BRCA1: variants seen among roughly 807,000 people sequenced by gnomAD.
The protein encoded by BRCA1 is breast cancer type 1 susceptibility protein.
A neutral mutation model predicts 173.7 loss-of-function variants in BRCA1; 140 were observed. That is an observed-to-expected ratio of 0.81 (90% CI 0.70 to 0.93). BRCA1 has a LOEUF of 0.93. Ranked by LOEUF, BRCA1 falls within the 40% of genes least tolerant of loss-of-function variation. The pLI is 0.00. For missense variants in BRCA1, 1,983 were observed against 2,172.5 expected, an observed-to-expected ratio of 0.91 and a Z score of 1.73; for synonymous variants, 662 against 756.0, an observed-to-expected ratio of 0.88 and a Z score of 2.04.
Position 43,106,553 on chromosome 17 carries a change from A to G in BRCA1, c.135-20T>C. On this transcript the variant is annotated intron_variant, in intron 3 of 22. Coordinates refer to ENST00000357654, the MANE Select transcript of BRCA1 (RefSeq NM_007294.4). ...CAAAATCTATAAATTATAAAGAAAG[A>G]AAGAACAATTTAATTTACTTCCTTT... 2.0e-6 allele frequency: 3 copies of G among 1,531,316 alleles called. No homozygotes were observed. The highest frequency in any genetic ancestry group is 2.7e-6 in the Non-Finnish European group (3 of 1,108,110). The allele number at this position is 1,531,316 out of a possible 1,614,324, so 94.9% of individuals were successfully genotyped here.
intron 12 of BRCA1, among the ~76,000 whole-genome samples, chr17:43,077,048 A>C (rs2052765992): frequency 6.6e-6 from 1 of 152,196 alleles, no homozygotes; most frequent in African/African-American, 2.4e-5. Flanking sequence ...TACTGCCTCC[A>C]CATTGAAGAC....
At chr17:43,141,977 T>C (rs1397759002) in intron 1 of BRCA1, among the ~76,000 whole-genome samples, 1 of 151,900 alleles carries the variant, frequency 6.6e-6, no homozygotes, top group Non-Finnish European at 1.5e-5. Context: ...AGTGGCCCAG[T>C]CTCGGCTCAC....
At chr17:43,106,076 G>A (rs981537930) in intron 4 of BRCA1, among the ~76,000 whole-genome samples, 32 of 148,684 alleles carry the variant, frequency 2.2e-4, no homozygotes, top group Middle Eastern at 3.2e-3. Flanking sequence ...CCGAGATCAC[G>A]CCACTGCACT....
intron 1 of BRCA1, chr17:43,138,827 C>G (rs543077107): frequency 2.6e-6 from 2 of 778,784 alleles, no homozygotes; most frequent in Admixed American, 3.4e-5. Flanking sequence ...CATACTCCCC[C>G]ACCAGTCACC....
intron 6 of BRCA1, among the ~76,000 whole-genome samples, chr17:43,101,074 G>A (rs1476300169): frequency 6.6e-6 from 1 of 151,464 alleles, no homozygotes. Context: ...TAAAACCCCA[G>A]CACTCCTAAG....
rs75754723 is a variant in BRCA1 at position 43,083,089 on chromosome 17, A to G, written c.4186-514T>C. On this transcript the variant is annotated intron_variant, in intron 11 of 22. Coordinates refer to ENST00000357654, the MANE Select transcript of BRCA1 (RefSeq NM_007294.4). ...AAAATACAACAAATATAAAAATACTATCAGTAATCCTGCCTAGATTACTGG... is the reference window on the plus strand; with the variant it reads ...AAAATACAACAAATATAAAAATACTGTCAGTAATCCTGCCTAGATTACTGG... Among the ~76,000 whole-genome samples the G allele has an allele frequency of 7.8e-4, 119 of 152,268 alleles. 3 individuals carry two copies. In the East Asian group the frequency reaches 0.022, roughly 28 times the overall value.
At position 43,094,215 on chromosome 17, in the gene BRCA1, G is replaced by C. The variant is rs777132211; in HGVS notation, c.1316C>G (p.Ala439Gly). Residue 439 changes from alanine (A) to glycine (G), a missense_variant, in exon 10 of 23, where the codon GCT becomes GGT. Physicochemically the swap from Ala to Gly is moderately conservative, Grantham distance 60 (BLOSUM62 0). Transcript: ENST00000357654. Reference protein sequence around the residue: ...IDLLASDPHEALICKSERVHS... With the variant: ...IDLLASDPHEGLICKSERVHS... ...AACTCTTTCACTTTTACATATTAAA[G>C]CCTCATGAGGATCACTGGCCAGTAA... is the stretch of plus-strand genomic sequence containing the variant. The C allele has an allele frequency of 1.9e-6, 3 of 1,614,006 alleles. No individual in the cohort carries two copies. In the East Asian group the frequency reaches 6.7e-5, roughly 36 times the overall value.
chr17:43,135,061 C>G (rs1360398297), intron 1 of BRCA1, among the ~76,000 whole-genome samples: 1 of 152,256 alleles, frequency 6.6e-6, no homozygotes, highest in African/African-American at 2.4e-5. Flanking sequence ...ACTTTCCCAG[C>G]CCCTGGCTTT....
chr17:43,093,876 CCACTATTAGTAATATTCAT>C lies in BRCA1; in HGVS notation c.1636_1654del (p.Met546ValfsTer20), dbSNP rs80359881. On this transcript the variant is annotated frameshift_variant, in exon 10 of 23. Transcript: ENST00000357654. LOFTEE classifies it high-confidence loss of function. ...ATCACCTTTTGTTTTATTCTCATGACCACTATTAGTAATATTCATCACTTGACCATTCTGCTCCGTTTGG... is the reference window on the plus strand; with the variant it reads ...ATCACCTTTTGTTTTATTCTCATGACCACTTGACCATTCTGCTCCGTTTGG... The C allele has an allele frequency of 6.2e-7, 1 of 1,613,814 alleles. No homozygotes were observed. Among genetic ancestry groups the C allele is most frequent in the African/African-American group, 1.3e-5 (1 of 75,022 alleles).
At chr17:43,121,576 C>A (rs570399137) in intron 2 of BRCA1, among the ~76,000 whole-genome samples, 1 of 136,880 alleles carries the variant, frequency 7.3e-6, no homozygotes, top group South Asian at 2.5e-4. Flanking sequence ...CCAGGTACTC[C>A]GGAGGCTGAG....
chr17:43,129,121 T>A (rs1396143525), upstream of BRCA1, among the ~76,000 whole-genome samples: 1 of 152,234 alleles, frequency 6.6e-6, no homozygotes, highest in Non-Finnish European at 1.5e-5. Flanking sequence ...GTCAGTCACA[T>A]GGACTTAACA....
At chr17:43,141,544 G>C (rs370081997) in intron 1 of BRCA1, among the ~76,000 whole-genome samples, 1 of 151,976 alleles carries the variant, frequency 6.6e-6, no homozygotes, top group African/African-American at 2.4e-5. Flanking sequence ...CACCGGGCAC[G>C]GTGGCTCACA....
chr17:43,100,646 C>CATATATAACATATATATATGTTAT (rs2054389608), intron 6 of BRCA1, among the ~76,000 whole-genome samples: 2 of 42,056 alleles, frequency 4.8e-5, no homozygotes, highest in East Asian at 1.4e-3. Context: ...ATATATATAA[C>CATATATAACATATATATATGTTAT]ATATATATAA....
intron 11 of BRCA1, 58 bp from the exon 12 acceptor site, chr17:43,082,633 A>T (rs2053075528): frequency 6.4e-7 from 1 of 1,564,866 alleles, no homozygotes; most frequent in Non-Finnish European, 8.8e-7. Flanking sequence ...CTTTCCATTA[A>T]ATGAAAATAT....
chr17:43,131,905 T>TC (rs1382641837), intron 1 of BRCA1, among the ~76,000 whole-genome samples: 1 of 152,040 alleles, frequency 6.6e-6, no homozygotes, highest in Non-Finnish European at 1.5e-5. Flanking sequence ...TGCCTCAGCC[T>TC]CCCAAGTAGC....
chr17:43,138,718 A>G (rs755772850), intron 1 of BRCA1: 23 of 779,246 alleles, frequency 3.0e-5, no homozygotes, highest in Non-Finnish European at 5.5e-5. Context: ...TGCCAATAAA[A>G]GGTAGTCACG....
chr17:43,077,840 G>A lies in BRCA1; in HGVS notation c.4358-1226C>T, dbSNP rs4239148. Among the ~76,000 whole-genome samples the A allele has an allele frequency of 0.49, 74,536 of 151,454 alleles. 21,710 individuals are homozygous for A. The highest frequency in any genetic ancestry group is 0.82 in the African/African-American group (34,091 of 41,338). ...CCTCTCTGCCTCCCAGGTTCAAGCT[G>A]TTCTCCTGCCTCAGCCTCCCAAGTA... On this transcript the variant is annotated intron_variant, in intron 12 of 22. Coordinates refer to ENST00000357654, the MANE Select transcript of BRCA1 (RefSeq NM_007294.4).
At chr17:43,096,368 C>T (rs1255140459) in intron 8 of BRCA1, among the ~76,000 whole-genome samples, 3 of 72,764 alleles carry the variant, frequency 4.1e-5, no homozygotes, top group African/African-American at 1.2e-4. Flanking sequence ...CAGAGCAAGA[C>T]TCTGTCTCAA....
chr17:43,066,567 C>T (rs1320129619), intron 16 of BRCA1, among the ~76,000 whole-genome samples: 1 of 152,016 alleles, frequency 6.6e-6, no homozygotes, highest in Admixed American at 6.6e-5. Flanking sequence ...CACACCACCA[C>T]GCCCAGCCAA....
Sources: allele counts gnomAD v4.1 joint callset (sites outside exome capture counted in the v4.1 genomes callset), GRCh38; gene constraint gnomAD v4.1.1; transcripts MANE v1.5; gene names NCBI Gene and HGNC (gene_info 2026-07-23, HGNC 2026-07-21).